The following PPP1R16A variants were observed in gnomAD, a reference collection of about 807,000 sequenced individuals.
The protein encoded by PPP1R16A is protein phosphatase 1 regulatory subunit 16A.
PPP1R16A carries 39 observed loss-of-function variants against 46.6 expected under a neutral mutation model. That is an observed-to-expected ratio of 0.84 (90% CI 0.65 to 1.09). The LOEUF (loss-of-function observed/expected upper bound fraction) is 1.09. Ranked by LOEUF, PPP1R16A falls within the 50% of genes least tolerant of loss-of-function variation. PPP1R16A has a pLI of 0.00. For synonymous variants in PPP1R16A, 413 were observed against 321.5 expected (o/e 1.28, Z -3.04); for missense variants, 798 against 735.6 (o/e 1.08, Z -0.98).
At chr8:144,492,956 C>G (rs748974736) in intron 2 of PPP1R16A, among the ~76,000 whole-genome samples, 22 of 152,224 alleles carry the variant, frequency 1.4e-4, no homozygotes, top group Non-Finnish European at 3.1e-4. Context: ...AAAGTAGTGA[C>G]CGGGGCAGCT....
Position 144,480,510 on chromosome 8 carries a change from C to CA in PPP1R16A, c.-914+2384dup, listed in dbSNP as rs200081582. Among the ~76,000 whole-genome samples the CA allele has an allele frequency of 1.2e-3, 175 of 149,628 alleles. 4 individuals carry two copies. The East Asian group carries it at 0.029, about 24-fold the overall frequency. On this transcript the variant is annotated intron_variant, in intron 1 of 11. Transcript: ENST00000435887. ...TATATCTTTTTTTTTTTTTTTGAGA[C>CA]AGAGTCTTGCTCTGTAGCCAGGCTG... is the stretch of plus-strand genomic sequence containing the variant.
chr8:144,499,306 G>C (rs978167744), intron 5 of PPP1R16A: 25 of 522,248 alleles, frequency 4.8e-5, no homozygotes, highest in Admixed American at 2.7e-4. Flanking sequence ...CAGGCCTCGG[G>C]CCCCCCCCCA....
intron 5 of PPP1R16A, 193 bp downstream of exon 5, chr8:144,499,254 G>A (rs1045481534): frequency 6.1e-5 from 44 of 727,250 alleles, no homozygotes; most frequent in African/African-American, 1.4e-4. Context: ...CCAGGGCAGC[G>A]CGGTCCCTGC....
At chr8:144,489,339 G>A (rs1268370420) in intron 1 of PPP1R16A, among the ~76,000 whole-genome samples, 1 of 79,808 alleles carries the variant, frequency 1.3e-5, no homozygotes, top group Non-Finnish European at 2.4e-5. Context: ...CTGGGAGGGG[G>A]GTTGGACTGG....
At chr8:144,486,412 G>C (rs2130248939) in intron 1 of PPP1R16A, among the ~76,000 whole-genome samples, 1 of 152,254 alleles carries the variant, frequency 6.6e-6, no homozygotes. Context: ...CGCAGCTGCT[G>C]GGTGGTTTGG....
At chr8:144,485,987 G>A (rs1423270262) in intron 1 of PPP1R16A, among the ~76,000 whole-genome samples, 1 of 152,194 alleles carries the variant, frequency 6.6e-6, no homozygotes, top group East Asian at 1.9e-4. Context: ...CCAGTTGTGT[G>A]CACTACTAGT....
At chr8:144,498,531 G>A in intron 3 of PPP1R16A, 1 of 523,854 alleles carries the variant, frequency 1.9e-6, no homozygotes, top group Non-Finnish European at 3.4e-6. Context: ...GGGGGTCGGA[G>A]GGCTGGAGCA....
At chr8:144,480,206 A>T (rs1186651996) in intron 1 of PPP1R16A, among the ~76,000 whole-genome samples, 4 of 152,230 alleles carry the variant, frequency 2.6e-5, no homozygotes, top group South Asian at 4.1e-4. Context: ...GGTGGCGGTG[A>T]TGATGAAGCT....
chr8:144,501,342 C>T, intron 11 of PPP1R16A, 48 bp downstream of exon 11: 1 of 1,530,862 alleles, frequency 6.5e-7, no homozygotes. Context: ...GGGCCTGGCT[C>T]TGCCCTGGTT....
chr8:144,497,305 G>A lies in PPP1R16A; in HGVS notation c.111G>A (p.Trp37Ter). Residue 37 changes from tryptophan (W) to a stop codon, truncating the protein, a stop_gained, in exon 3 of 12, where the codon TGG (tryptophan) becomes TGA (stop). Transcript: ENST00000435887. LOFTEE classifies it high-confidence loss of function. ...GGCGCGCCCAGCAGGTGAAGATGTG[G>A]GCCCAGGCTGAGAAGGAGGCCCAGG... is the stretch of plus-strand genomic sequence containing the variant. ...QKRRAQQVKMWAQAEKEAQGK... is the reference protein window; with the variant it reads ...QKRRAQQVKM 4 of 1,612,454 alleles carry A rather than the reference G, an allele frequency of 2.5e-6. No individual in the cohort carries two copies. Among genetic ancestry groups the A allele is most frequent in the Non-Finnish European group, 3.4e-6 (4 of 1,179,778 alleles).
In PPP1R16A at chr8:144,500,676, C is replaced by G. The variant is rs1477129941; in HGVS notation, c.832-10C>G. On this transcript the variant is annotated splice_polypyrimidine_tract_variant and intron_variant, in intron 8 of 11. Coordinates refer to ENST00000435887, the MANE Select transcript of PPP1R16A (RefSeq NM_001329443.2). ...CGCAGCAGTCTGCAGCTCCGGCCTGCCGTCCACAGGTGCCCCTGGTGGAGC... is the reference window on the plus strand; with the variant it reads ...CGCAGCAGTCTGCAGCTCCGGCCTGGCGTCCACAGGTGCCCCTGGTGGAGC... The G allele has an allele frequency of 1.2e-6, 2 of 1,609,576 alleles. No homozygotes were observed. Among genetic ancestry groups the G allele is most frequent in the Admixed American group, 1.7e-5 (1 of 59,906 alleles).
intron 1 of PPP1R16A, among the ~76,000 whole-genome samples, chr8:144,482,965 TAG>T (rs576257576): frequency 1.0e-3 from 157 of 151,684 alleles, no homozygotes; most frequent in African/African-American, 3.7e-3. Context: ...GTATTTTTAG[TAG>T]AGACGGGTTT....
At position 144,497,331 on chromosome 8, in the gene PPP1R16A, G is replaced by T; in HGVS notation, c.137G>T (p.Gly46Val). ...MWAQAEKEAQ[G>V]KKGPGERPRK... ...GCCCAGGCTGAGAAGGAGGCCCAGGGCAAGAAGGGTCCTGGGGAGCGTCCC... is the reference window on the plus strand; with the variant it reads ...GCCCAGGCTGAGAAGGAGGCCCAGGTCAAGAAGGGTCCTGGGGAGCGTCCC... Residue 46 changes from glycine to valine, a missense_variant, in exon 3 of 12, where the codon GGC becomes GTC. Gly to Val is a moderately radical substitution (Grantham distance 109). Transcript: ENST00000435887. The T allele has an allele frequency of 1.2e-6, 2 of 1,612,746 alleles. No individual in the cohort carries two copies. The highest frequency in any genetic ancestry group is 1.7e-6 in the Non-Finnish European group (2 of 1,179,884).
intron 5 of PPP1R16A, 171 bp downstream of exon 5, chr8:144,499,232 A>G (rs1451611693): frequency 3.3e-6 from 3 of 896,260 alleles, no homozygotes; most frequent in Non-Finnish European, 4.9e-6. Context: ...CTCCAGGGGA[A>G]TGGGCATGTG....
Position 144,501,860 on chromosome 8 carries a change from TGGA to T in PPP1R16A, c.1547_1549del (p.Glu516del), listed in dbSNP as rs1390823107. ...CTGCTCAAGCTCACAGCCCCGGCGG[TGGA>T]GGCTCCCGTGGAGAGGAGGCCGTGC... On this transcript the variant is annotated inframe_deletion, in exon 12 of 12. Coordinates refer to ENST00000435887, the MANE Select transcript of PPP1R16A (RefSeq NM_001329443.2). 7 of 1,545,280 alleles carry T rather than the reference TGGA, an allele frequency of 4.5e-6. No homozygotes were observed. Among genetic ancestry groups the T allele is most frequent in the Non-Finnish European group, 6.1e-6 (7 of 1,146,420 alleles).
rs1825911031 is a variant in PPP1R16A at position 144,493,686 on chromosome 8, G to A, written c.-734-2775G>A. On this transcript the variant is annotated intron_variant, in intron 2 of 11. Coordinates refer to ENST00000435887, the MANE Select transcript of PPP1R16A (RefSeq NM_001329443.2). The surrounding 1 kb of genome is among the most constrained non-coding windows in gnomAD (Gnocchi z 4.3). ...CTTAGGGCTCAGCCTGGGGGGAGGT[G>A]GGCACTGGGACACCCCCTGGCACCC... 6.6e-6 allele frequency among the ~76,000 whole-genome samples: 1 copy of A among 152,062 alleles called. No individual in the cohort carries two copies. The highest frequency in any genetic ancestry group is 1.5e-5 in the Non-Finnish European group (1 of 67,970).
chr8:144,483,073 C>T (rs1825499576), intron 1 of PPP1R16A, among the ~76,000 whole-genome samples: 1 of 152,332 alleles, frequency 6.6e-6, no homozygotes, highest in East Asian at 1.9e-4. Flanking sequence ...TGAGCCACCG[C>T]GCCCGGCCCA....
intron 1 of PPP1R16A, among the ~76,000 whole-genome samples, chr8:144,486,120 C>T (rs760904187): frequency 2.6e-5 from 4 of 152,114 alleles, no homozygotes; most frequent in Non-Finnish European, 5.9e-5. Context: ...TTGCCATGAA[C>T]ATTTATGTAG....
At chr8:144,483,775 A>G (rs931747989) in intron 1 of PPP1R16A, among the ~76,000 whole-genome samples, 4 of 151,744 alleles carry the variant, frequency 2.6e-5, no homozygotes, top group Non-Finnish European at 5.9e-5. Flanking sequence ...ATTAGAGATC[A>G]CTGCAGCCTC....
Sources: gnomAD v4.1 joint callset for allele counts (sites outside exome capture counted in the v4.1 genomes callset) on GRCh38, gnomAD v4.1.1 for gene constraint, Gnocchi (gnomAD v3.1) non-coding constraint, MANE v1.5 for transcripts, NCBI Gene and HGNC (gene_info 2026-07-23, HGNC 2026-07-21) for gene names.